CNGA2: variants seen among roughly 807,000 people sequenced by gnomAD.
The protein encoded by CNGA2 is cyclic nucleotide gated channel subunit alpha 2, also known as cyclic nucleotide-gated channel alpha-2.
Under a neutral mutation model 35.9 loss-of-function variants are expected in CNGA2, and 22 were observed. That is an observed-to-expected ratio of 0.61 (90% confidence interval 0.44 to 0.88). The LOEUF (loss-of-function observed/expected upper bound fraction) is 0.88, where lower values mean the gene tolerates loss of function less well. Ranked by LOEUF, CNGA2 falls within the 40% of genes least tolerant of loss-of-function variation. The pLI, the probability that CNGA2 is intolerant of heterozygous loss-of-function variation, is 0.00. For missense variants in CNGA2, 555 were observed against 530.8 expected, an observed-to-expected ratio of 1.05 and a Z score of -0.45; for synonymous variants, 217 against 209.2, an observed-to-expected ratio of 1.04 and a Z score of -0.32.
intron 3 of CNGA2, 48 bp from the exon 4 acceptor site, chrX:151,739,514 C>G (rs771046729): frequency 1.2e-5 from 14 of 1,153,747 alleles, no homozygotes; most frequent in Admixed American, 2.3e-5. Flanking sequence ...GCTTTCTGAA[C>G]AGCATGAGTC....
At chrX:151,740,703 G>T (rs2015295988) in intron 4 of CNGA2, 91 bp from the exon 5 acceptor site, 1 of 706,892 alleles carries the variant, frequency 1.4e-6, no homozygotes, top group Non-Finnish European at 2.3e-6. Context: ...CAGTGCTTTT[G>T]CTTTCTCAGG....
chrX:151,744,348 T>A lies in CNGA2; in HGVS notation c.1845T>A (p.Phe615Leu). ...ACATGGAAACCTTGTACACTCGCTTTGGCCGCCTGCTGGCTGAGTACACGG... is the reference window on the plus strand; with the variant it reads ...ACATGGAAACCTTGTACACTCGCTTAGGCCGCCTGCTGGCTGAGTACACGG... ...ETNMETLYTR[F>L]GRLLAEYTGA... The change falls in exon 7 of 7, where the codon TTT becomes TTA. Residue 615 changes from phenylalanine (F) to leucine (L), a missense_variant. Coordinates refer to ENST00000329903, the MANE Select transcript of CNGA2 (RefSeq NM_005140.3). 8.3e-7 allele frequency: 1 copy of A among 1,211,341 alleles called. No homozygotes were observed. The highest frequency in any genetic ancestry group is 1.1e-6 in the Non-Finnish European group (1 of 895,480).
intron 6 of CNGA2, 42 bp from the exon 7 acceptor site, chrX:151,743,051 C>A (rs866975344): frequency 1.9e-6 from 1 of 521,127 alleles, no homozygotes; most frequent in Non-Finnish European, 2.9e-6. Context: ...TATATATATA[C>A]CCTGAGGGCA....
rs1366816093 is a variant in CNGA2 at position 151,738,476 on chromosome X, C to T, written c.-8C>T. 8.3e-7 allele frequency: 1 copy of T among 1,200,134 alleles called. No homozygotes were observed. Among genetic ancestry groups the T allele is most frequent in the South Asian group, 1.8e-5 (1 of 56,392 alleles). On this transcript the variant is annotated 5_prime_UTR_variant, in exon 2 of 7. Coordinates refer to ENST00000329903, the MANE Select transcript of CNGA2 (RefSeq NM_005140.3). Reference sequence around the variant, plus strand: ...CTGGCAGATAAGTGCTCTGGTTGTACATGGAGGATGACCGAAAAAACCAAT... The same window carrying T: ...CTGGCAGATAAGTGCTCTGGTTGTATATGGAGGATGACCGAAAAAACCAAT...
In CNGA2 at chrX:151,738,773, T is replaced by C. The variant is rs1166816778; in HGVS notation, c.111-14T>C. The C allele has an allele frequency of 8.6e-7, 1 of 1,158,430 alleles. No individual in the cohort carries two copies. Among genetic ancestry groups the C allele is most frequent in the East Asian group, 3.2e-5 (1 of 31,244 alleles). On this transcript the variant is annotated splice_polypyrimidine_tract_variant and intron_variant, in intron 2 of 6. Transcript: ENST00000329903. ...CCTGAGAACCCTGGGTCAATTCTGC[T>C]CTTTTTTCTGCAGGCCACACTCTGC...
chrX:151,735,313 T>A (rs1464013665), intron 1 of CNGA2, among the ~76,000 whole-genome samples: 1 of 112,103 alleles, frequency 8.9e-6, no homozygotes, highest in Non-Finnish European at 1.9e-5. Flanking sequence ...ACATGGTCTG[T>A]CATCTTCCTT....
chrX:151,739,729 C>T lies in CNGA2; in HGVS notation c.371C>T (p.Thr124Ile), dbSNP rs749521661. The T allele has an allele frequency of 5.8e-6, 7 of 1,210,517 alleles. No homozygotes were observed. Among genetic ancestry groups the T allele is most frequent in the East Asian group, 5.9e-5 (2 of 33,814 alleles). ...KGDKDGEDKG[T>I]KKKFELFVLD... ...GACAAGGATGGCGAGGACAAAGGCA[C>T]CAAGTACAGCTGTTCAGCCTATGGG... Residue 124 changes from threonine to isoleucine, a missense_variant, in exon 4 of 7, where the codon ACC (threonine) becomes ATC (isoleucine). By Grantham distance (89) the Thr-to-Ile change is moderately conservative. Coordinates refer to ENST00000329903, the MANE Select transcript of CNGA2 (RefSeq NM_005140.3).
At position 151,744,644 on chromosome X, in the gene CNGA2, C is replaced by T. The variant is rs777735927; in HGVS notation, c.*146C>T. The T allele has an allele frequency of 3.9e-6, 2 of 517,936 alleles. No individual in the cohort carries two copies. The highest frequency in any genetic ancestry group is 2.4e-5 in the African/African-American group (1 of 42,087). 42.7% of individuals were successfully genotyped at this position (517,936 alleles called of 1,213,427 possible). ...GCCTCTCTGACCCTGGGTTTTTGGC[C>T]TAAACATCCAAGATTCCGCCTCCAA... On this transcript the variant is annotated 3_prime_UTR_variant, in exon 7 of 7. Coordinates refer to ENST00000329903, the MANE Select transcript of CNGA2 (RefSeq NM_005140.3).
rs986491961 is a variant in CNGA2 at position 151,743,571 on chromosome X, C to T, written c.1068C>T (p.Asp356=). ...AGGAGTACCTATTTGTCATCTTTGACTTCCTGATTGGCGTCCTCATCTTTG... is the reference window on the plus strand; with the variant it reads ...AGGAGTACCTATTTGTCATCTTTGATTTCCTGATTGGCGTCCTCATCTTTG... ...KDEEYLFVIF[D]FLIGVLIFAT... Residue 356 remains aspartate, a synonymous_variant, in exon 7 of 7, where the codon GAC becomes GAT. Transcript: ENST00000329903. 1 of 1,211,597 alleles carries T rather than the reference C, an allele frequency of 8.3e-7. No homozygotes were observed. Among genetic ancestry groups the T allele is most frequent in the Non-Finnish European group, 1.1e-6 (1 of 895,523 alleles).
At chrX:151,741,755 C>T (rs1237006992) in intron 5 of CNGA2, among the ~76,000 whole-genome samples, 1 of 111,971 alleles carries the variant, frequency 8.9e-6, no homozygotes, top group Non-Finnish European at 1.9e-5. Flanking sequence ...GCAGAAGAAA[C>T]AGCAAGTATG....
intron 3 of CNGA2, among the ~76,000 whole-genome samples, 169 bp from the exon 4 acceptor site, chrX:151,739,393 T>C (rs2015280334): frequency 8.9e-6 from 1 of 112,563 alleles, no homozygotes; most frequent in Admixed American, 9.4e-5. Flanking sequence ...CCCTGCCCTA[T>C]GGCCTCTACC....
intron 5 of CNGA2, among the ~76,000 whole-genome samples, chrX:151,742,224 G>A (rs1394129732): frequency 1.8e-5 from 2 of 112,209 alleles, no homozygotes; most frequent in Non-Finnish European, 3.8e-5. Flanking sequence ...CTCAAATCCT[G>A]TTGCCCTAGG....
chrX:151,735,460 C>T, intron 1 of CNGA2, among the ~76,000 whole-genome samples: 1 of 111,630 alleles, frequency 9.0e-6, no homozygotes, highest in Non-Finnish European at 1.9e-5. Flanking sequence ...CCCCATCCCT[C>T]CCATTTCACT....
At chrX:151,739,854 G>A in intron 4 of CNGA2, 122 bp downstream of exon 4, 1 of 774,729 alleles carries the variant, frequency 1.3e-6, no homozygotes, top group Non-Finnish European at 1.8e-6. Flanking sequence ...AAGAGTGGTG[G>A]GCAAGGGTGA....
chrX:151,737,275 G>A (rs981868375), intron 1 of CNGA2, among the ~76,000 whole-genome samples: 4 of 112,128 alleles, frequency 3.6e-5, no homozygotes, highest in Non-Finnish European at 7.5e-5. Flanking sequence ...GCTCCTCCAA[G>A]TATCTCCTGA....
intron 1 of CNGA2, among the ~76,000 whole-genome samples, chrX:151,735,163 G>C (rs753663058): frequency 1.7e-4 from 19 of 111,969 alleles, no homozygotes; most frequent in Admixed American, 6.6e-4. Context: ...AAGGAGAAAA[G>C]AGGCCTACAA....
intron 6 of CNGA2, among the ~76,000 whole-genome samples, 166 bp from the exon 7 acceptor site, chrX:151,742,925 GAT>G (rs34829464): frequency 2.3e-4 from 14 of 61,410 alleles, no homozygotes; most frequent in Non-Finnish European, 2.1e-4. Context: ...TATAGGGAAG[GAT>G]ATATATATAT....
Position 151,744,708 on chromosome X carries a change from C to T in CNGA2, c.*210C>T. ...TTGTGGAGAGTACAGACTGCGTTGG[C>T]TGGGCTTCCGAGAGCTTCGGCCTGC... is the stretch of plus-strand genomic sequence containing the variant. On this transcript the variant is annotated 3_prime_UTR_variant, in exon 7 of 7. Coordinates refer to ENST00000329903, the MANE Select transcript of CNGA2 (RefSeq NM_005140.3). 1 of 348,225 alleles carries T rather than the reference C, an allele frequency of 2.9e-6. No homozygotes were observed. 28.7% of individuals were successfully genotyped at this position (348,225 alleles called of 1,213,427 possible).
chrX:151,742,806 C>G (rs34058725), intron 6 of CNGA2, among the ~76,000 whole-genome samples, 164 bp downstream of exon 6: 35,826 of 98,632 alleles, frequency 0.36, 7,667 homozygotes, highest in African/African-American at 0.76. Context: ...GTTTTGATCT[C>G]GGGGTGTTCT....
Sources: gnomAD v4.1 joint callset for allele counts (sites outside exome capture counted in the v4.1 genomes callset) on GRCh38, gnomAD v4.1.1 for gene constraint, MANE v1.5 for transcripts, NCBI Gene and HGNC (gene_info 2026-07-23, HGNC 2026-07-21) for gene names.